Variants in APBB1IP observed in about 807,000 individuals in gnomAD.
APBB1IP encodes amyloid beta precursor protein binding family B member 1 interacting protein, also known as amyloid beta A4 precursor protein-binding family B member 1-interacting protein.
In APBB1IP, 27 loss-of-function variants were observed where a neutral mutation model predicts 64.9. The observed-to-expected ratio is 0.42, with a 90% CI of 0.31 to 0.57. The LOEUF is 0.57. Among genes scored for constraint, APBB1IP ranks in the 20% least tolerant of loss-of-function variants. The pLI is 0.20. For missense variants in APBB1IP, 812 were observed against 845.5 expected (o/e 0.96, Z 0.49); for synonymous variants, 392 against 331.0 (o/e 1.18, Z -2.00).
At chr10:26,556,620 G>C (rs1836897918) in intron 11 of APBB1IP, among the ~76,000 whole-genome samples, 1 of 152,206 alleles carries the variant, frequency 6.6e-6, no homozygotes, top group African/African-American at 2.4e-5. Context: ...TTAAGAAATT[G>C]TTTAGGGTGC....
chr10:26,441,611 T>C (rs1564345245), intron 2 of APBB1IP, among the ~76,000 whole-genome samples: 1 of 152,042 alleles, frequency 6.6e-6, no homozygotes, highest in Non-Finnish European at 1.5e-5. Context: ...ACCATGGAAA[T>C]ATCACAAGCC....
At chr10:26,551,927 GTGGA>G (rs59758757) in intron 11 of APBB1IP, among the ~76,000 whole-genome samples, 67,891 of 149,896 alleles carry the variant, frequency 0.45, 16,110 homozygotes, top group East Asian at 0.62. Flanking sequence ...AGATGGGTGG[GTGGA>G]TGGATGGATG....
chr10:26,483,269 T>C (rs776719089), intron 2 of APBB1IP, among the ~76,000 whole-genome samples: 12 of 152,152 alleles, frequency 7.9e-5, no homozygotes, highest in Non-Finnish European at 1.5e-4. Flanking sequence ...CCTCCAATCA[T>C]GTCTGGGATC....
chr10:26,521,864 C>A (rs1260110153), intron 8 of APBB1IP, among the ~76,000 whole-genome samples: 1 of 152,190 alleles, frequency 6.6e-6, no homozygotes, highest in African/African-American at 2.4e-5. Flanking sequence ...GATTCTCCTG[C>A]CTCAGTCTCC....
chr10:26,567,242 G>A lies in APBB1IP; in HGVS notation c.1755G>A (p.Pro585=), dbSNP rs1453807350. Residue 585 remains proline, a synonymous_variant, in exon 15 of 15, where the codon CCG becomes CCA. Coordinates refer to ENST00000376236, the MANE Select transcript of APBB1IP (RefSeq NM_019043.4). ...AGCCGCCCCCAGACTTCGTGCCCCC[G>A]CCCCCGCCGTCGTACGCAGGGATCG... The part of the protein sequence containing the change: ...FMEPPPDFVP[P]PPPSYAGIAG... 17 of 1,174,652 alleles carry A rather than the reference G, an allele frequency of 1.4e-5. No homozygotes were observed. The African/African-American group carries it at 2.8e-4, about 19-fold the overall frequency. The allele number at this position is 1,174,652 out of a possible 1,614,324, so 72.8% of individuals were successfully genotyped here. A position where few individuals can be genotyped will look rare whatever the true frequency, so the allele number is the denominator to read the frequency against.
intron 2 of APBB1IP, among the ~76,000 whole-genome samples, chr10:26,445,027 G>A (rs1180753764): frequency 6.6e-6 from 1 of 151,722 alleles, no homozygotes; most frequent in Non-Finnish European, 1.5e-5. Context: ...GAACCCAGGA[G>A]GTGGAGATTT....
At chr10:26,504,481 G>A (rs529297774) in intron 6 of APBB1IP, among the ~76,000 whole-genome samples, 14 of 152,244 alleles carry the variant, frequency 9.2e-5, no homozygotes, top group African/African-American at 3.1e-4. Context: ...AGGCTGAGGC[G>A]GGCGGATCAC....
intron 8 of APBB1IP, 112 bp from the exon 9 acceptor site, chr10:26,533,327 C>T: frequency 1.8e-6 from 1 of 551,642 alleles, no homozygotes; most frequent in South Asian, 3.6e-5. Context: ...GCTCTGGTTC[C>T]CTGTTTGTTT....
intron 8 of APBB1IP, among the ~76,000 whole-genome samples, chr10:26,528,993 T>G (rs1231925975): frequency 2.0e-5 from 3 of 152,226 alleles, no homozygotes. Context: ...CAAATATTTC[T>G]TCACGAACTG....
intron 6 of APBB1IP, among the ~76,000 whole-genome samples, chr10:26,510,078 TC>T (rs1429145264): frequency 5.3e-5 from 8 of 152,268 alleles, no homozygotes; most frequent in Non-Finnish European, 1.2e-4. Context: ...CAAGCGATTC[TC>T]CTGCCTCAGC....
At chr10:26,557,319 C>T (rs1836906347) in intron 11 of APBB1IP, among the ~76,000 whole-genome samples, 1 of 152,202 alleles carries the variant, frequency 6.6e-6, no homozygotes. Flanking sequence ...GTGAAGTTCT[C>T]ACCGTCGGTA....
At chr10:26,478,501 G>C (rs1168688572) in intron 2 of APBB1IP, among the ~76,000 whole-genome samples, 1 of 152,030 alleles carries the variant, frequency 6.6e-6, no homozygotes, top group African/African-American at 2.4e-5. Context: ...CTGTAATCCA[G>C]CTACTCAGCA....
rs370349130 is a variant in APBB1IP at position 26,549,755 on chromosome 10, T to G, written c.1155+8063T>G. On this transcript the variant is annotated intron_variant, in intron 11 of 14. Coordinates refer to ENST00000376236, the MANE Select transcript of APBB1IP (RefSeq NM_019043.4). ...TCTCAATTTTATTTTTTCAAAAAAC[T>G]TACTCTTTGTTTTATTAATATTTGT... Among the ~76,000 whole-genome samples the G allele has an allele frequency of 4.9e-4, 75 of 152,140 alleles. No individual in the cohort carries two copies. In the East Asian group the frequency reaches 0.014, roughly 28 times the overall value.
chr10:26,501,338 T>A, intron 5 of APBB1IP: 1 of 579,250 alleles, frequency 1.7e-6, no homozygotes, highest in Non-Finnish European at 2.9e-6. Context: ...TACTGTAGTT[T>A]GCTTAAAAAA....
At chr10:26,529,894 G>T (rs942409594) in intron 8 of APBB1IP, among the ~76,000 whole-genome samples, 14 of 152,130 alleles carry the variant, frequency 9.2e-5, no homozygotes, top group African/African-American at 3.1e-4. Context: ...ACCCACCTTG[G>T]CCACCCAAAG....
At chr10:26,493,081 T>C (rs1034577486) in intron 3 of APBB1IP, among the ~76,000 whole-genome samples, 1 of 152,150 alleles carries the variant, frequency 6.6e-6, no homozygotes, top group East Asian at 1.9e-4. Context: ...TATTCCTTAC[T>C]GGGGAAAGAA....
At chr10:26,470,682 G>C (rs1835705701) in intron 2 of APBB1IP, among the ~76,000 whole-genome samples, 1 of 152,268 alleles carries the variant, frequency 6.6e-6, no homozygotes, top group African/African-American at 2.4e-5. Flanking sequence ...TCGACTTAGG[G>C]ATATTTTCAA....
chr10:26,484,579 A>T (rs1286767002), intron 2 of APBB1IP, among the ~76,000 whole-genome samples: 1 of 152,218 alleles, frequency 6.6e-6, no homozygotes, highest in African/African-American at 2.4e-5. Context: ...TGCTGGTATT[A>T]CAGGTGTGAG....
chr10:26,473,007 T>C (rs1235367253), intron 2 of APBB1IP, among the ~76,000 whole-genome samples: 1 of 152,110 alleles, frequency 6.6e-6, no homozygotes, highest in Non-Finnish European at 1.5e-5. Flanking sequence ...CATTTCTTCT[T>C]AGGATTACAA....
Sources: allele counts gnomAD v4.1 joint callset (sites outside exome capture counted in the v4.1 genomes callset), GRCh38; gene constraint gnomAD v4.1.1; transcripts MANE v1.5; gene names NCBI Gene and HGNC (gene_info 2026-07-23, HGNC 2026-07-21).